The following SCML4 variants were observed in gnomAD, a reference collection of about 807,000 sequenced individuals.
The protein encoded by SCML4 is Scm polycomb group protein like 4, also known as sex comb on midleg-like protein 4.
Under a neutral mutation model 41.1 loss-of-function variants are expected in SCML4, and 34 were observed. That is an observed-to-expected ratio of 0.83 (90% CI 0.63 to 1.10). The LOEUF is 1.10. Ranked by LOEUF, SCML4 falls within the 50% of genes least tolerant of loss-of-function variation. The pLI is 0.00. For missense variants in SCML4, 522 were observed against 534.1 expected (o/e 0.98, Z 0.22); for synonymous variants, 214 against 220.9 (o/e 0.97, Z 0.28).
upstream of SCML4, among the ~76,000 whole-genome samples, chr6:107,827,951 G>A (rs1365047667): frequency 6.6e-6 from 1 of 152,134 alleles, no homozygotes; most frequent in African/African-American, 2.4e-5. Flanking sequence ...ATTCTGTCTT[G>A]GACTGGCAGT....
Position 107,749,739 on chromosome 6 carries a change from G to T in SCML4, c.231C>A (p.Ser77=), listed in dbSNP as rs1258699654. The change falls in exon 3 of 8, where the codon TCC becomes TCA. Residue 77 remains serine (S), a synonymous_variant. Coordinates refer to ENST00000369020, the MANE Select transcript of SCML4 (RefSeq NM_198081.5). Reference sequence around the variant, plus strand: ...GGACCGTGGCTGCGTCCTGAGGGATGGAGCTGAGGTCGGGCTCTGGGGTAC... The same window carrying T: ...GGACCGTGGCTGCGTCCTGAGGGATTGAGCTGAGGTCGGGCTCTGGGGTAC... The part of the protein sequence containing the change: ...PRSTPEPDLS[S]IPQDAATVPS... 2 of 1,613,938 alleles carry T rather than the reference G, an allele frequency of 1.2e-6. No homozygotes were observed. Among genetic ancestry groups the T allele is most frequent in the Non-Finnish European group, 1.7e-6 (2 of 1,180,014 alleles).
upstream of SCML4, among the ~76,000 whole-genome samples, chr6:107,826,612 C>CT (rs1186949680): frequency 6.6e-6 from 1 of 152,236 alleles, no homozygotes; most frequent in Non-Finnish European, 1.5e-5. Context: ...TCCTACCCAG[C>CT]TCTGTGAGGG....
intron 6 of SCML4, among the ~76,000 whole-genome samples, chr6:107,716,795 G>T (rs564465635): frequency 6.6e-6 from 1 of 152,224 alleles, no homozygotes; most frequent in Non-Finnish European, 1.5e-5. Context: ...ACATTTCCCA[G>T]CATCCCTTGC....
chr6:107,813,420 AT>A (rs1784345212), intron 1 of SCML4, among the ~76,000 whole-genome samples: 1 of 11,816 alleles, frequency 8.5e-5, no homozygotes, highest in Non-Finnish European at 2.4e-4. Context: ...ATATATATAT[AT>A]ATAAAACTGT....
At chr6:107,800,254 G>C (rs1405247064) in intron 1 of SCML4, among the ~76,000 whole-genome samples, 1 of 152,126 alleles carries the variant, frequency 6.6e-6, no homozygotes, top group African/African-American at 2.4e-5. Context: ...CAAAAATTGT[G>C]TTAACAGTGG....
intron 1 of SCML4, among the ~76,000 whole-genome samples, chr6:107,788,288 T>G (rs1356723195): frequency 2.0e-5 from 3 of 152,212 alleles, no homozygotes; most frequent in African/African-American, 7.2e-5. Context: ...TCCTGCCCTG[T>G]CAAACGGAGA....
intron 1 of SCML4, among the ~76,000 whole-genome samples, chr6:107,817,598 G>A (rs1784634774): frequency 8.0e-6 from 1 of 125,716 alleles, no homozygotes; most frequent in Non-Finnish European, 1.6e-5. Context: ...TCCAGCCTGG[G>A]CAACAGAGGA....
chr6:107,741,540 C>T (rs1331465057), intron 5 of SCML4, among the ~76,000 whole-genome samples: 1 of 152,248 alleles, frequency 6.6e-6, no homozygotes, highest in African/African-American at 2.4e-5. Flanking sequence ...GCCCTGGGAA[C>T]TCTGCTTAGT....
At chr6:107,798,801 G>A (rs1271516827) in intron 1 of SCML4, among the ~76,000 whole-genome samples, 1 of 151,890 alleles carries the variant, frequency 6.6e-6, no homozygotes, top group Non-Finnish European at 1.5e-5. Flanking sequence ...TTTCTTTTCT[G>A]TTTTCATCAG....
chr6:107,798,190 T>C (rs1329828236), intron 1 of SCML4, among the ~76,000 whole-genome samples: 1 of 148,134 alleles, frequency 6.8e-6, no homozygotes, highest in Non-Finnish European at 1.5e-5. Context: ...AAAGAGCATA[T>C]ATAAGATATA....
In SCML4 at chr6:107,766,378, A is replaced by G. The variant is rs1207587570; in HGVS notation, c.156+5794T>C. Among the ~76,000 whole-genome samples the G allele has an allele frequency of 2.0e-5, 3 of 151,998 alleles. No homozygotes were observed. In the East Asian group the frequency reaches 5.8e-4, roughly 29 times the overall value. On this transcript the variant is annotated intron_variant, in intron 2 of 7. Transcript: ENST00000369020. ...ATGTGAGACTCCGTCTCAAAAAAAA[A>G]AAAAAAAAGGGTTCAAGGCTGCAGT...
At chr6:107,738,093 C>G (rs574261350) in intron 5 of SCML4, among the ~76,000 whole-genome samples, 2 of 152,148 alleles carry the variant, frequency 1.3e-5, no homozygotes, top group African/African-American at 2.4e-5. Context: ...TCAAAGGCAA[C>G]AACAATTTTC....
intron 2 of SCML4, among the ~76,000 whole-genome samples, chr6:107,770,895 G>A (rs972595705): frequency 6.6e-6 from 1 of 152,172 alleles, no homozygotes; most frequent in African/African-American, 2.4e-5. Context: ...AAACAGAAAG[G>A]CTGCCCTGCT....
intron 1 of SCML4, among the ~76,000 whole-genome samples, chr6:107,808,407 G>A (rs1783907555): frequency 6.6e-6 from 1 of 151,878 alleles, no homozygotes; most frequent in South Asian, 2.1e-4. Context: ...CAAGTGAAGA[G>A]TGCTGGTTTG....
intron 1 of SCML4, among the ~76,000 whole-genome samples, chr6:107,799,042 G>A (rs976904569): frequency 6.6e-6 from 1 of 152,100 alleles, no homozygotes; most frequent in African/African-American, 2.4e-5. Flanking sequence ...GGTGTATTCT[G>A]TAGTTCTATA....
chr6:107,751,325 G>A (rs948644126), intron 2 of SCML4, among the ~76,000 whole-genome samples: 3 of 152,150 alleles, frequency 2.0e-5, no homozygotes, highest in Non-Finnish European at 4.4e-5. Flanking sequence ...ATTTGAAGGA[G>A]GTGAGGGAGC....
intron 5 of SCML4, among the ~76,000 whole-genome samples, chr6:107,725,125 G>A (rs1350272991): frequency 6.6e-6 from 1 of 152,164 alleles, no homozygotes; most frequent in Non-Finnish European, 1.5e-5. Flanking sequence ...TAGAGTTTGA[G>A]AAATCACTTG....
the SCML4 span, among the ~76,000 whole-genome samples, chr6:107,837,905 CTTTT>C: frequency 4.3e-5 from 5 of 115,318 alleles, no homozygotes; most frequent in Non-Finnish European, 5.3e-5. Context: ...TTATGATTTT[CTTTT>C]TTTTTTTTTT....
At chr6:107,791,957 G>A (rs536675020) in intron 1 of SCML4, among the ~76,000 whole-genome samples, 1 of 152,016 alleles carries the variant, frequency 6.6e-6, no homozygotes, top group Non-Finnish European at 1.5e-5. Context: ...GTGAGACCCC[G>A]TCTCAAAAAC....
Sources: gnomAD v4.1 joint callset for allele counts (sites outside exome capture counted in the v4.1 genomes callset) on GRCh38, gnomAD v4.1.1 for gene constraint, MANE v1.5 for transcripts, NCBI Gene and HGNC (gene_info 2026-07-23, HGNC 2026-07-21) for gene names.